Variants in PIEZO2 observed in about 807,000 individuals in gnomAD.
PIEZO2 encodes piezo-type mechanosensitive ion channel component 2.
A neutral mutation model predicts 337.3 loss-of-function variants in PIEZO2; 172 were observed. That is an observed-to-expected ratio of 0.51 (90% confidence interval 0.45 to 0.58). The LOEUF (loss-of-function observed/expected upper bound fraction) is 0.58. Ranked by LOEUF, PIEZO2 falls within the 20% of genes least tolerant of loss-of-function variation. The probability of loss-of-function intolerance (pLI) is 0.00; values close to 1 mark genes in which losing one functional copy is unlikely to be tolerated. For synonymous variants in PIEZO2, 1,251 were observed against 1,228.5 expected, an observed-to-expected ratio of 1.02 and a Z score of -0.38; for missense variants, 3,028 against 3,391.3, an observed-to-expected ratio of 0.89 and a Z score of 2.66.
intron 49 of PIEZO2, 142 bp downstream of exon 49, chr18:10,689,513 G>A (rs2034703699): frequency 3.7e-6 from 4 of 1,093,058 alleles, no homozygotes; most frequent in Non-Finnish European, 5.4e-6. Context: ...ACTCTAGTGG[G>A]TTGGAAATCA....
In PIEZO2 at chr18:10,973,798, A is replaced by C. The variant is rs543819729; in HGVS notation, c.286+5737T>G. ...GCAGGCAGCCAAGAGTGGTTTCAAA[A>C]AATGACTCAGAACATGCAGGGTGTG... On this transcript the variant is annotated intron_variant, in intron 3 of 55. Transcript: ENST00000674853. The surrounding 1 kb of genome is among the most constrained non-coding windows in gnomAD (Gnocchi z 4.9). Among the ~76,000 whole-genome samples the C allele has an allele frequency of 1.3e-5, 2 of 152,332 alleles. No individual in the cohort carries two copies. The highest frequency in any genetic ancestry group is 2.1e-4 in the South Asian group (1 of 4,822).
intron 7 of PIEZO2, among the ~76,000 whole-genome samples, chr18:10,811,554 C>G (rs1356857809): frequency 6.6e-6 from 1 of 152,108 alleles, no homozygotes; most frequent in Non-Finnish European, 1.5e-5. Flanking sequence ...TGTAGATATA[C>G]AAACAAATTC....
intron 1 of PIEZO2, among the ~76,000 whole-genome samples, chr18:11,081,759 C>CTT (rs547000060): frequency 3.4e-4 from 47 of 137,454 alleles, no homozygotes; most frequent in Non-Finnish European, 4.0e-4. Flanking sequence ...CTCAACTCAA[C>CTT]TTTTTTTTTT....
intron 2 of PIEZO2, among the ~76,000 whole-genome samples, chr18:11,018,810 C>G (rs1216101946): frequency 6.6e-6 from 1 of 152,006 alleles, no homozygotes; most frequent in Non-Finnish European, 1.5e-5. Context: ...CCACTCATAC[C>G]CACATATCTT....
intron 39 of PIEZO2, among the ~76,000 whole-genome samples, chr18:10,711,608 C>T (rs1308441266): frequency 9.2e-6 from 1 of 109,110 alleles, no homozygotes; most frequent in Non-Finnish European, 2.1e-5. Context: ...CTTGGGGATT[C>T]AGGTAACAAA....
chr18:11,042,470 C>G (rs1199821601), intron 2 of PIEZO2, among the ~76,000 whole-genome samples: 1 of 152,242 alleles, frequency 6.6e-6, no homozygotes, highest in African/African-American at 2.4e-5. Flanking sequence ...TCAATCAAAA[C>G]AGTGAATGAA....
At chr18:10,698,212 G>A (rs917055979) in intron 44 of PIEZO2, among the ~76,000 whole-genome samples, 50 of 152,210 alleles carry the variant, frequency 3.3e-4, no homozygotes, top group African/African-American at 1.1e-3. Context: ...TCCTATTCTA[G>A]TTTCTCTAAT....
chr18:10,904,726 G>C (rs964195864), intron 4 of PIEZO2, among the ~76,000 whole-genome samples: 1 of 152,244 alleles, frequency 6.6e-6, no homozygotes, highest in Non-Finnish European at 1.5e-5. Flanking sequence ...AAGAGCCACA[G>C]TCAATCCACA....
intron 49 of PIEZO2, among the ~76,000 whole-genome samples, chr18:10,689,070 A>C (rs1249877889): frequency 5.3e-5 from 8 of 152,238 alleles, no homozygotes; most frequent in Non-Finnish European, 1.0e-4. Flanking sequence ...CGAGAAAGAA[A>C]GACATTTCAT....
chr18:11,025,275 A>G (rs1459775473), intron 2 of PIEZO2, among the ~76,000 whole-genome samples: 1 of 152,128 alleles, frequency 6.6e-6, no homozygotes, highest in Non-Finnish European at 1.5e-5. Flanking sequence ...TGTCTTTTAC[A>G]AAGTGAGTCA....
chr18:10,773,569 C>G lies in PIEZO2; in HGVS notation c.2628G>C (p.Leu876=), dbSNP rs2038680268. ...DLTMMHLTAS[L]EKPEVRKLAE... is the part of the protein sequence containing the mutation. ...CCAACTTCCTCACCTCCGGCTTCTCCAGGCTGGCAGTCAGATGCATCATGG... is the reference window on the plus strand; with the variant it reads ...CCAACTTCCTCACCTCCGGCTTCTCGAGGCTGGCAGTCAGATGCATCATGG... The change falls in exon 20 of 56, where the codon CTG becomes CTC. Residue 876 remains leucine, a synonymous_variant. Transcript: ENST00000674853. The surrounding 1 kb of genome is among the most constrained non-coding windows in gnomAD (Gnocchi z 5.3). 1 of 1,537,440 alleles carries G rather than the reference C, an allele frequency of 6.5e-7. No individual in the cohort carries two copies.
chr18:10,777,791 T>C (rs1427516392), intron 18 of PIEZO2, among the ~76,000 whole-genome samples: 1 of 152,318 alleles, frequency 6.6e-6, no homozygotes, highest in South Asian at 2.1e-4. Context: ...TAGTGTTTAA[T>C]ATAAGTAACA....
At position 10,899,509 on chromosome 18, in the gene PIEZO2, C is replaced by T. The variant is rs576512982; in HGVS notation, c.329+11677G>A. ...GCTGAGCTTCCTCAGCATAAAATGC[C>T]TATGGAAAAGGCATTTTATGGTGGT... On this transcript the variant is annotated intron_variant, in intron 4 of 55. Transcript: ENST00000674853. This position sits in a 1 kb window ranked among gnomAD's most constrained non-coding sequence, Gnocchi z 4.6. Among the ~76,000 whole-genome samples the T allele has an allele frequency of 6.6e-6, 1 of 152,202 alleles. No homozygotes were observed. The highest frequency in any genetic ancestry group is 1.9e-4 in the East Asian group (1 of 5,184).
chr18:10,758,766 A>G (rs1011075713), intron 26 of PIEZO2, among the ~76,000 whole-genome samples: 1 of 152,148 alleles, frequency 6.6e-6, no homozygotes, highest in Admixed American at 6.5e-5. Flanking sequence ...AGCAGAAGCC[A>G]CACTGCAAGT....
intron 1 of PIEZO2, among the ~76,000 whole-genome samples, chr18:11,076,553 TG>T (rs967573979): frequency 7.1e-6 from 1 of 141,678 alleles, no homozygotes; most frequent in Non-Finnish European, 1.5e-5. Flanking sequence ...GATCTTAGTT[TG>T]TTTTTTTTTG....
At chr18:10,706,702 G>A (rs369173847) in intron 40 of PIEZO2, among the ~76,000 whole-genome samples, 5 of 152,214 alleles carry the variant, frequency 3.3e-5, no homozygotes, top group African/African-American at 9.6e-5. Flanking sequence ...GACAAGGTTG[G>A]CCAATGACAA....
At chr18:11,052,847 A>G (rs1043077689) in intron 2 of PIEZO2, among the ~76,000 whole-genome samples, 1 of 152,252 alleles carries the variant, frequency 6.6e-6, no homozygotes, top group Non-Finnish European at 1.5e-5. Context: ...ATATTAAAAT[A>G]TCTCCCTTAA....
chr18:10,738,985 C>T (rs1276959483), intron 33 of PIEZO2: 1 of 152,194 alleles, frequency 6.6e-6, no homozygotes, highest in Non-Finnish European at 1.5e-5. Flanking sequence ...TAGATTTACA[C>T]ATGTGTATCC....
intron 2 of PIEZO2, among the ~76,000 whole-genome samples, chr18:11,024,854 G>T (rs2036474816): frequency 6.6e-6 from 1 of 151,858 alleles, no homozygotes; most frequent in Non-Finnish European, 1.5e-5. Context: ...GACCAGGGGG[G>T]TCTCGAACTC....
Sources: allele counts gnomAD v4.1 joint callset (sites outside exome capture counted in the v4.1 genomes callset), GRCh38; gene constraint gnomAD v4.1.1; non-coding constraint Gnocchi (gnomAD v3.1); transcripts MANE v1.5; gene names NCBI Gene and HGNC (gene_info 2026-07-23, HGNC 2026-07-21).